SYNPO2: variants seen among roughly 807,000 people sequenced by gnomAD.
SYNPO2 encodes synaptopodin 2.
In SYNPO2, 56 loss-of-function variants were observed where a neutral mutation model predicts 85.0. The ratio of observed to expected loss-of-function variants is 0.66; its 90% confidence interval spans 0.53 to 0.82. The LOEUF is 0.82. Ranked by LOEUF, SYNPO2 falls within the 40% of genes least tolerant of loss-of-function variation. The pLI is 0.00. For missense variants in SYNPO2, 1,575 were observed against 1,534.2 expected (o/e 1.03, Z -0.44); for synonymous variants, 602 against 591.1 (o/e 1.02, Z -0.27).
intron 1 of SYNPO2, among the ~76,000 whole-genome samples, chr4:118,969,953 GA>G (rs1735475350): frequency 6.6e-6 from 1 of 152,042 alleles, no homozygotes; most frequent in African/African-American, 2.4e-5. Context: ...TTAGCATAAG[GA>G]AAATATTGAG....
At chr4:118,901,604 C>T (rs1164877855) in intron 1 of SYNPO2, among the ~76,000 whole-genome samples, 4 of 152,102 alleles carry the variant, frequency 2.6e-5, no homozygotes, top group Non-Finnish European at 4.4e-5. Context: ...TCCTTTCAGA[C>T]GTATTTTAAT....
At chr4:118,936,809 A>T (rs1410575696) in intron 1 of SYNPO2, among the ~76,000 whole-genome samples, 1 of 152,154 alleles carries the variant, frequency 6.6e-6, no homozygotes, top group Admixed American at 6.5e-5. Context: ...GTTAACTCTG[A>T]AAAGGACTGG....
chr4:119,036,653 T>C (rs1427389075), intron 4 of SYNPO2: 1 of 985,524 alleles, frequency 1.0e-6, no homozygotes, highest in Non-Finnish European at 1.2e-6. Context: ...ATGAGCGTCA[T>C]GCCAATGAAA....
In SYNPO2 at chr4:118,978,309, T is replaced by C. The variant is rs140636584; in HGVS notation, c.106-45121T>C. ...TGATTGATTGAATTACTGTATCTTG[T>C]TGTCATTTTATTTACTTTTTAGAAT... is the stretch of plus-strand genomic sequence containing the variant. On this transcript the variant is annotated intron_variant, in intron 1 of 4. Transcript: ENST00000307142. Among the ~76,000 whole-genome samples, 361 of 152,334 alleles carry C rather than the reference T, an allele frequency of 2.4e-3. 7 individuals carry two copies. The highest frequency in any genetic ancestry group is 0.014 in the East Asian group (72 of 5,186).
At chr4:119,053,513 G>A (rs986353399) in intron 4 of SYNPO2, among the ~76,000 whole-genome samples, 1 of 152,162 alleles carries the variant, frequency 6.6e-6, no homozygotes, top group East Asian at 1.9e-4. Flanking sequence ...TGTTACATTT[G>A]TCATATGCAT....
At chr4:118,946,025 T>A (rs531450931) in intron 1 of SYNPO2, among the ~76,000 whole-genome samples, 1 of 152,320 alleles carries the variant, frequency 6.6e-6, no homozygotes, top group African/African-American at 2.4e-5. Context: ...ATTATAGGCG[T>A]GAGCCACCAC....
intron 4 of SYNPO2, among the ~76,000 whole-genome samples, chr4:119,048,311 G>A (rs895360129): frequency 6.6e-6 from 1 of 152,182 alleles, no homozygotes; most frequent in Non-Finnish European, 1.5e-5. Flanking sequence ...AAATTCTGGT[G>A]AAGATAACCA....
intron 1 of SYNPO2, among the ~76,000 whole-genome samples, chr4:118,969,886 G>A (rs886543458): frequency 6.6e-6 from 1 of 151,850 alleles, no homozygotes; most frequent in Non-Finnish European, 1.5e-5. Context: ...GTAGACTGAA[G>A]TGTAATAGAA....
chr4:118,993,599 A>G (rs1475237276), intron 1 of SYNPO2, among the ~76,000 whole-genome samples: 3 of 152,146 alleles, frequency 2.0e-5, no homozygotes, highest in Non-Finnish European at 2.9e-5. Context: ...CTTCAAGCAC[A>G]AGTCTCTTGG....
At chr4:118,876,126 T>G (rs1191785399) in intron 1 of SYNPO2, among the ~76,000 whole-genome samples, 1 of 152,214 alleles carries the variant, frequency 6.6e-6, no homozygotes, top group Non-Finnish European at 1.5e-5. Flanking sequence ...TCCTTCAGAT[T>G]CTTGAAGGGA....
intron 1 of SYNPO2, among the ~76,000 whole-genome samples, chr4:118,936,150 G>A (rs1734092877): frequency 6.6e-6 from 1 of 152,116 alleles, no homozygotes; most frequent in African/African-American, 2.4e-5. Context: ...TGCTGTGTAG[G>A]TTTCTACCCT....
chr4:119,007,425 TAAAAC>T lies in SYNPO2; in HGVS notation c.106-16000_106-15996del, dbSNP rs147666438. Among the ~76,000 whole-genome samples, 480 of 148,166 alleles carry T rather than the reference TAAAAC, an allele frequency of 3.2e-3. 4 individuals carry two copies. The highest frequency in any genetic ancestry group is 9.9e-3 in the African/African-American group (398 of 40,396). ...ACAAAAAACAAACAAAAAAAAAACATAAAACAAAATGATCGGATAGTTTGACTTTA... is the reference window on the plus strand; with the variant it reads ...ACAAAAAACAAACAAAAAAAAAACATAAAATGATCGGATAGTTTGACTTTA... On this transcript the variant is annotated intron_variant, in intron 1 of 4. Coordinates refer to ENST00000307142, the MANE Select transcript of SYNPO2 (RefSeq NM_133477.3).
intron 1 of SYNPO2, among the ~76,000 whole-genome samples, chr4:118,976,472 C>A (rs555455788): frequency 1.3e-5 from 2 of 152,134 alleles, no homozygotes; most frequent in African/African-American, 4.8e-5. Flanking sequence ...GGGACCCTAG[C>A]GGGTTGCCAA....
At chr4:119,037,655 G>A (rs932321425) in intron 4 of SYNPO2, 35 of 984,822 alleles carry the variant, frequency 3.6e-5, no homozygotes, top group South Asian at 4.7e-5. Context: ...AGGAGTTAAT[G>A]TATTAAGTTT....
intron 1 of SYNPO2, among the ~76,000 whole-genome samples, chr4:119,018,060 G>A (rs1373831071): frequency 2.0e-5 from 3 of 152,096 alleles, no homozygotes; most frequent in Admixed American, 2.0e-4. Flanking sequence ...CTCAGATTTA[G>A]TCTATGAAAT....
chr4:119,032,002 C>G lies in SYNPO2; in HGVS notation c.3227C>G (p.Ala1076Gly), dbSNP rs1307524316. Residue 1076 changes from alanine (A) to glycine (G), a missense_variant, in exon 4 of 5, where the codon GCC (alanine) becomes GGC (glycine). Transcript: ENST00000307142. ...GTGGCACCAAGGCCAAAGTTCTCAG[C>G]CAAGAAAAGTGGTGTCACAATTCAG... is the stretch of plus-strand genomic sequence containing the variant. ...YFVAPRPKFS[A>G]KKSGVTIQES... 1 of 1,614,046 alleles carries G rather than the reference C, an allele frequency of 6.2e-7. No homozygotes were observed. The highest frequency in any genetic ancestry group is 1.3e-5 in the African/African-American group (1 of 74,934).
At chr4:118,855,349 C>T (rs115851302) in intron 1 of SYNPO2, among the ~76,000 whole-genome samples, 6,532 of 151,972 alleles carry the variant, frequency 0.043, 198 homozygotes, top group Non-Finnish European at 0.064. Context: ...ATTTGCTTGA[C>T]GAATTATTTA....
intron 4 of SYNPO2, chr4:119,036,666 C>G: frequency 1.0e-6 from 1 of 985,488 alleles, no homozygotes; most frequent in Non-Finnish European, 1.2e-6. Flanking sequence ...CAATGAAACC[C>G]CATCTTCTGG....
chr4:118,922,151 C>T (rs1004300369), intron 1 of SYNPO2, among the ~76,000 whole-genome samples: 1 of 152,086 alleles, frequency 6.6e-6, no homozygotes, highest in African/African-American at 2.4e-5. Flanking sequence ...TAAAAAATGC[C>T]TCCTTGTACT....
Sources: gnomAD v4.1 joint callset for allele counts (sites outside exome capture counted in the v4.1 genomes callset) on GRCh38, gnomAD v4.1.1 for gene constraint, MANE v1.5 for transcripts, NCBI Gene and HGNC (gene_info 2026-07-23, HGNC 2026-07-21) for gene names.